GLB1: variants seen among roughly 807,000 people sequenced by gnomAD.
GLB1 encodes beta-galactosidase.
Under a neutral mutation model 74.0 loss-of-function variants are expected in GLB1, and 56 were observed. The ratio of observed to expected loss-of-function variants is 0.76; its 90% CI spans 0.61 to 0.94. The LOEUF (loss-of-function observed/expected upper bound fraction) is 0.94, where lower values mean the gene tolerates loss of function less well. Among genes scored for constraint, GLB1 ranks in the 40% least tolerant of loss-of-function variants. The pLI is 0.00. For missense variants in GLB1, 787 were observed against 845.5 expected (o/e 0.93, Z 0.86); for synonymous variants, 323 against 323.6 (o/e 1.00, Z 0.02).
At chr3:33,045,410 G>T in intron 10 of GLB1, 1 of 985,248 alleles carries the variant, frequency 1.0e-6, no homozygotes, top group Non-Finnish European at 1.2e-6. Context: ...ATTGGCTTAA[G>T]GTTGAAGAAA....
chr3:33,092,285 T>C (rs1180195361), intron 1 of GLB1: 19 of 986,598 alleles, frequency 1.9e-5, no homozygotes, highest in Admixed American at 1.2e-4. Context: ...GTGATCCTGA[T>C]AGAATCAGAG....
At chr3:33,017,659 G>A (rs770208030) in intron 13 of GLB1, among the ~76,000 whole-genome samples, 25 of 152,158 alleles carry the variant, frequency 1.6e-4, no homozygotes, top group Non-Finnish European at 2.6e-4. Context: ...TATGAAACAC[G>A]GTTCTTTGTG....
chr3:32,963,155 A>G, the GLB1 span, among the ~76,000 whole-genome samples: 1 of 152,194 alleles, frequency 6.6e-6, no homozygotes, highest in African/African-American at 2.4e-5. Context: ...TTTAGTGCAT[A>G]TTAAAGATGG....
At chr3:33,009,989 C>G (rs2125458102) in intron 15 of GLB1, among the ~76,000 whole-genome samples, 1 of 152,324 alleles carries the variant, frequency 6.6e-6, no homozygotes, top group East Asian at 1.9e-4. Flanking sequence ...CATGCTTTCT[C>G]CACTTGTCAG....
At chr3:33,057,867 GCT>G (rs1158809784) in intron 6 of GLB1, among the ~76,000 whole-genome samples, 1 of 152,202 alleles carries the variant, frequency 6.6e-6, no homozygotes, top group African/African-American at 2.4e-5. Flanking sequence ...TTCCAGGCTA[GCT>G]CCACCAGTGC....
chr3:33,051,946 A>G lies in GLB1; in HGVS notation c.851T>C (p.Ile284Thr), dbSNP rs908426077. ...GGAGGAAGCCACTGCTTCGGTCTTG[A>G]TTGTGGAGTGAGGTTGGCCCCAGTG... ...LDHWGQPHSTIKTEAVASSLY... is the reference protein window; with the variant it reads ...LDHWGQPHSTTKTEAVASSLY... The change falls in exon 8 of 16, where the codon ATC (isoleucine) becomes ACC (threonine). Residue 284 changes from isoleucine (I) to threonine (T), a missense_variant. By Grantham distance (89) the Ile-to-Thr change is moderately conservative. Transcript: ENST00000307363. The G allele has an allele frequency of 6.2e-7, 1 of 1,614,210 alleles. No individual in the cohort carries two copies. The highest frequency in any genetic ancestry group is 1.7e-5 in the Admixed American group (1 of 60,022).
chr3:32,996,820 G>T lies in GLB1; in HGVS notation c.*225C>A. 1 of 662,456 alleles carries T rather than the reference G, an allele frequency of 1.5e-6. No individual in the cohort carries two copies. The highest frequency in any genetic ancestry group is 2.5e-6 in the Non-Finnish European group (1 of 401,004). The allele number at this position is 662,456 out of a possible 1,614,324, so 41.0% of individuals were successfully genotyped here. On this transcript the variant is annotated 3_prime_UTR_variant, in exon 16 of 16. Coordinates refer to ENST00000307363, the MANE Select transcript of GLB1 (RefSeq NM_000404.4). The stretch of plus-strand genomic sequence containing the variant: ...CCTTTAAAGCTTCCATTCCAGCCCT[G>T]CAGATATGTATGCACGTTACTGTGC...
chr3:33,038,646 C>G (rs1044000041), intron 10 of GLB1, among the ~76,000 whole-genome samples: 16 of 152,206 alleles, frequency 1.1e-4, no homozygotes, highest in Non-Finnish European at 1.9e-4. Flanking sequence ...CCGAACACAA[C>G]TTCTGGGAGT....
chr3:32,966,348 A>T, the GLB1 span, among the ~76,000 whole-genome samples: 1 of 152,202 alleles, frequency 6.6e-6, no homozygotes, highest in South Asian at 2.1e-4. Flanking sequence ...TGGAACTTTA[A>T]GGTTTACTGA....
At chr3:33,000,993 T>A (rs763916591) in intron 15 of GLB1, among the ~76,000 whole-genome samples, 4 of 152,170 alleles carry the variant, frequency 2.6e-5, no homozygotes, top group Non-Finnish European at 4.4e-5. Flanking sequence ...GAAAATAGGA[T>A]TCTTTTCACA....
At position 32,998,486 on chromosome 3, in the gene GLB1, C is replaced by T. The variant is rs545322884; in HGVS notation, c.1735-1142G>A. Among the ~76,000 whole-genome samples the T allele has an allele frequency of 7.4e-5, 11 of 148,746 alleles. No homozygotes were observed. The East Asian group carries it at 1.2e-3, about 16-fold the overall frequency. On this transcript the variant is annotated intron_variant, in intron 15 of 15. Transcript: ENST00000307363. ...ATTGCGCCACTGCACTCTAGCCTTG[C>T]GCAGTGACAGAGCAAGACTCCGTCT...
intron 15 of GLB1, among the ~76,000 whole-genome samples, chr3:33,011,433 C>T (rs896754920): frequency 4.1e-5 from 6 of 146,770 alleles, no homozygotes; most frequent in African/African-American, 2.5e-5. Context: ...GATGAAACCC[C>T]GTCTCCAATA....
At chr3:33,025,552 C>A (rs1162450569) in intron 10 of GLB1, among the ~76,000 whole-genome samples, 1 of 152,134 alleles carries the variant, frequency 6.6e-6, no homozygotes, top group Non-Finnish European at 1.5e-5. Context: ...ACAATGCTGG[C>A]AGCATCGCCT....
the GLB1 span, among the ~76,000 whole-genome samples, chr3:32,964,138 A>C: frequency 3.3e-5 from 5 of 152,230 alleles, no homozygotes; most frequent in Admixed American, 3.3e-4. Flanking sequence ...TGCTTGATAT[A>C]AACAGACTAT....
intron 10 of GLB1, among the ~76,000 whole-genome samples, chr3:33,025,186 C>A (rs1384447698): frequency 1.3e-5 from 2 of 152,192 alleles, no homozygotes; most frequent in African/African-American, 4.8e-5. Context: ...CTCAGGTGAT[C>A]CGCCCGCCTC....
intron 5 of GLB1, among the ~76,000 whole-genome samples, chr3:33,064,421 C>G (rs1406302206): frequency 1.6e-5 from 2 of 124,970 alleles, no homozygotes; most frequent in African/African-American, 6.1e-5. Context: ...GCCTGGGCGA[C>G]AGAGCGAGAC....
chr3:33,061,189 T>A (rs112118858), intron 5 of GLB1, among the ~76,000 whole-genome samples: 2 of 152,080 alleles, frequency 1.3e-5, no homozygotes, highest in African/African-American at 4.8e-5. Flanking sequence ...GGCGGGTGGA[T>A]CACTTGAGGT....
chr3:32,965,821 C>T, the GLB1 span, among the ~76,000 whole-genome samples: 14 of 152,340 alleles, frequency 9.2e-5, no homozygotes, highest in African/African-American at 3.4e-4. Flanking sequence ...GTCCCAGCCA[C>T]TCCAGCCATG....
At chr3:33,078,496 T>C (rs897143088) in intron 1 of GLB1, among the ~76,000 whole-genome samples, 13 of 152,220 alleles carry the variant, frequency 8.5e-5, no homozygotes, top group African/African-American at 2.2e-4. Flanking sequence ...ATCTAGAAAG[T>C]AGTCCTCATT....
Sources: gnomAD v4.1 joint callset for allele counts (sites outside exome capture counted in the v4.1 genomes callset) on GRCh38, gnomAD v4.1.1 for gene constraint, MANE v1.5 for transcripts, NCBI Gene and HGNC (gene_info 2026-07-23, HGNC 2026-07-21) for gene names.